EVL: variants seen among roughly 807,000 people sequenced by gnomAD.
The protein encoded by EVL is Enah/Vasp-like, also known as ena/VASP-like protein.
In EVL, 21 loss-of-function variants were observed where a neutral mutation model predicts 59.6. That is an observed-to-expected ratio of 0.35 (90% confidence interval 0.25 to 0.51). The LOEUF (loss-of-function observed/expected upper bound fraction) is 0.51. Among genes scored for constraint, EVL ranks in the 20% least tolerant of loss-of-function variants. The probability of loss-of-function intolerance (pLI) is 0.97; values close to 1 mark genes in which losing one functional copy is unlikely to be tolerated. For missense variants in EVL, 462 were observed against 546.6 expected, an observed-to-expected ratio of 0.85 and a Z score of 1.54; for synonymous variants, 198 against 203.5, an observed-to-expected ratio of 0.97 and a Z score of 0.23.
At chr14:100,076,028 G>T (rs2062153924) in intron 1 of EVL, among the ~76,000 whole-genome samples, 4 of 152,234 alleles carry the variant, frequency 2.6e-5, no homozygotes, top group Non-Finnish European at 4.4e-5. Flanking sequence ...GGGTGGATAG[G>T]TGTGTTTTGA....
chr14:100,100,003 C>CA (rs34709493), intron 3 of EVL, among the ~76,000 whole-genome samples: 4,221 of 21,176 alleles, frequency 0.2, 995 homozygotes, highest in Admixed American at 0.27. Context: ...ACCTTGGGGG[C>CA]AAAAAAAAAA....
chr14:100,120,621 A>G (rs975835683), intron 3 of EVL, among the ~76,000 whole-genome samples: 13 of 152,326 alleles, frequency 8.5e-5, no homozygotes, highest in African/African-American at 3.1e-4. Context: ...AGTAGCGCAC[A>G]AAACACAGAG....
At chr14:99,980,378 A>G (rs1199896117) in intron 1 of EVL, among the ~76,000 whole-genome samples, 3 of 152,232 alleles carry the variant, frequency 2.0e-5, no homozygotes, top group East Asian at 1.9e-4. Context: ...GGTAATGCCT[A>G]CATGAGTGAG....
At position 100,073,549 on chromosome 14, in the gene EVL, G is replaced by A. The variant is rs142723840; in HGVS notation, c.11+8038G>A. Among the ~76,000 whole-genome samples, 661 of 152,068 alleles carry A rather than the reference G, an allele frequency of 4.3e-3. 6 individuals are homozygous for A. Among genetic ancestry groups the A allele is most frequent in the African/African-American group, 0.015 (617 of 41,466 alleles). ...TGCCCAGGCTGGTCTCGAACTCCTG[G>A]GCTCAAGCTGTCCTCCCACCTTGGC... On this transcript the variant is annotated intron_variant, in intron 1 of 13. Transcript: ENST00000392920.
intron 1 of EVL, among the ~76,000 whole-genome samples, chr14:100,042,660 C>T (rs1053076308): frequency 6.6e-6 from 1 of 151,994 alleles, no homozygotes; most frequent in Non-Finnish European, 1.5e-5. Flanking sequence ...TTTTGGAGAC[C>T]AGGAGTTACT....
chr14:99,983,889 C>G (rs934594044), intron 1 of EVL, among the ~76,000 whole-genome samples: 1 of 152,168 alleles, frequency 6.6e-6, no homozygotes, highest in Admixed American at 6.5e-5. Flanking sequence ...ATTTCCTCTT[C>G]TGTAACTGTT....
chr14:100,088,089 G>T (rs1371730361), intron 2 of EVL, among the ~76,000 whole-genome samples: 1 of 152,146 alleles, frequency 6.6e-6, no homozygotes, highest in African/African-American at 2.4e-5. Context: ...AGATATTAAC[G>T]CAGTAAAAGG....
intron 3 of EVL, among the ~76,000 whole-genome samples, chr14:100,117,354 AGGGGCTCCGCCAG>A (rs1397739533): frequency 1.3e-5 from 2 of 152,142 alleles, no homozygotes; most frequent in Non-Finnish European, 2.9e-5. Context: ...CTGCCCAAGA[AGGGGCTCCGCCAG>A]GGGGCTCCGA....
chr14:100,005,575 C>CA (rs1253977484), intron 1 of EVL, among the ~76,000 whole-genome samples: 8 of 147,364 alleles, frequency 5.4e-5, no homozygotes, highest in African/African-American at 1.0e-4. Context: ...AACTCTCGCT[C>CA]AAAAAAAAAG....
At chr14:100,021,499 T>G (rs1007820661) in intron 1 of EVL, among the ~76,000 whole-genome samples, 1 of 152,194 alleles carries the variant, frequency 6.6e-6, no homozygotes, top group African/African-American at 2.4e-5. Context: ...TCATGGAGTT[T>G]GTGTATGTGG....
chr14:100,063,402 A>G (rs1057282870), upstream of EVL, among the ~76,000 whole-genome samples: 1 of 152,220 alleles, frequency 6.6e-6, no homozygotes, highest in African/African-American at 2.4e-5. Flanking sequence ...GGAACTTCTG[A>G]TGATGTTGGG....
At chr14:99,993,404 G>T (rs1458028348) in intron 1 of EVL, among the ~76,000 whole-genome samples, 1 of 151,902 alleles carries the variant, frequency 6.6e-6, no homozygotes, top group Non-Finnish European at 1.5e-5. Context: ...TTAGTATTTT[G>T]TTAAGGACTC....
At chr14:100,016,584 A>G (rs2061052529) in intron 1 of EVL, among the ~76,000 whole-genome samples, 1 of 152,212 alleles carries the variant, frequency 6.6e-6, no homozygotes, top group South Asian at 2.1e-4. Flanking sequence ...CTCTAAAACA[A>G]ACAAACAAAC....
rs76905674 is a variant in EVL, at chr14:100,052,981, G to T, written c.6-31706G>T. The T allele has an allele frequency of 2.3e-3, 352 of 152,300 alleles. 2 individuals are homozygous for T. The highest frequency in any genetic ancestry group is 4.5e-3 in the Non-Finnish European group (308 of 68,062). The allele number at this position is 152,300 out of a possible 1,614,324, so 9.4% of individuals were successfully genotyped here. ...TTGCAGATGGCCACCTTCTTGCAGT[G>T]CACTCACCTGGCAGAGAGAGAGAGT... On this transcript the variant is annotated intron_variant, in intron 1 of 13. Transcript: ENST00000402714.
intron 2 of EVL, among the ~76,000 whole-genome samples, chr14:100,088,026 T>C (rs2062484272): frequency 6.6e-6 from 1 of 152,232 alleles, no homozygotes; most frequent in South Asian, 2.1e-4. Context: ...TCACTTTCAA[T>C]GTGGACCCCG....
chr14:100,087,275 A>C (rs1017331655), intron 2 of EVL, among the ~76,000 whole-genome samples: 1 of 152,248 alleles, frequency 6.6e-6, no homozygotes, highest in East Asian at 1.9e-4. Context: ...TCTTACATTC[A>C]GGGTGACAAA....
intron 1 of EVL, among the ~76,000 whole-genome samples, chr14:100,011,576 T>C (rs2061017109): frequency 6.6e-6 from 1 of 152,222 alleles, no homozygotes; most frequent in East Asian, 1.9e-4. Flanking sequence ...TTCGACATAA[T>C]GAGTACATAT....
At chr14:100,007,819 GAA>G (rs2060993022) in intron 1 of EVL, among the ~76,000 whole-genome samples, 1 of 151,576 alleles carries the variant, frequency 6.6e-6, no homozygotes, top group African/African-American at 2.4e-5. Context: ...GACAGAGAGA[GAA>G]AGAGAAAGAA....
chr14:100,098,863 T>C (rs908728317), intron 3 of EVL, among the ~76,000 whole-genome samples: 1 of 152,164 alleles, frequency 6.6e-6, no homozygotes, highest in Non-Finnish European at 1.5e-5. Flanking sequence ...GGATATAGAG[T>C]TGTTTTTACA....
Sources: gnomAD v4.1 joint callset for allele counts (sites outside exome capture counted in the v4.1 genomes callset) on GRCh38, gnomAD v4.1.1 for gene constraint, MANE v1.5 for transcripts, NCBI Gene and HGNC (gene_info 2026-07-23, HGNC 2026-07-21) for gene names.